Variants in CCDC141 observed in about 807,000 individuals in gnomAD.
The protein encoded by CCDC141 is coiled-coil domain containing 141.
In CCDC141, 168 loss-of-function variants were observed where a neutral mutation model predicts 181.0. That is an observed-to-expected ratio of 0.93 (90% CI 0.82 to 1.05). The LOEUF is 1.05. CCDC141 is among the 50% of genes least tolerant of loss of function. CCDC141 has a pLI of 0.00. For missense variants in CCDC141, 1,902 were observed against 1,788.5 expected, an observed-to-expected ratio of 1.06 and a Z score of -1.14; for synonymous variants, 666 against 642.3, an observed-to-expected ratio of 1.04 and a Z score of -0.56.
At chr2:178,844,095 C>A (rs1684836346) in intron 22 of CCDC141, among the ~76,000 whole-genome samples, 1 of 152,088 alleles carries the variant, frequency 6.6e-6, no homozygotes, top group African/African-American at 2.4e-5. Flanking sequence ...AGAAAAACTA[C>A]TTTTACTAAG....
At chr2:178,828,945 T>C (rs2366911), downstream of CCDC141, among the ~76,000 whole-genome samples, 72,806 of 151,996 alleles carry the variant, frequency 0.48, 17,721 homozygotes, top group East Asian at 0.7. Context: ...AGAACTGTTG[T>C]TGAATGGGAC....
intron 8 of CCDC141, among the ~76,000 whole-genome samples, chr2:178,893,462 T>TGGTAAG (rs985781654): frequency 2.0e-5 from 3 of 152,154 alleles, no homozygotes; most frequent in Non-Finnish European, 4.4e-5. Flanking sequence ...CTGAACCAGA[T>TGGTAAG]GGTAAGCACT....
intron 7 of CCDC141, among the ~76,000 whole-genome samples, chr2:178,913,788 A>G (rs556360706): frequency 3.2e-4 from 49 of 152,306 alleles, no homozygotes; most frequent in Admixed American, 2.7e-3. Flanking sequence ...TGACCACCCA[A>G]AAATCAGACC....
chr2:178,923,096 ATTTTTTTTTTTTCTTT>A (rs1052819784), intron 6 of CCDC141, among the ~76,000 whole-genome samples: 6 of 137,816 alleles, frequency 4.4e-5, no homozygotes, highest in Non-Finnish European at 7.8e-5. Context: ...CCACCAGTTT[ATTTTTTTTTTTTCTTT>A]TTTTTTTTTT....
intron 2 of CCDC141, among the ~76,000 whole-genome samples, chr2:179,025,908 T>C (rs760287350): frequency 2.0e-4 from 31 of 152,214 alleles, no homozygotes; most frequent in Non-Finnish European, 7.3e-5. Flanking sequence ...ATTTTGTCCC[T>C]GCCCTAGAGA....
At chr2:178,838,396 C>T (rs1684579663) in intron 22 of CCDC141, among the ~76,000 whole-genome samples, 1 of 152,130 alleles carries the variant, frequency 6.6e-6, no homozygotes, top group Non-Finnish European at 1.5e-5. Context: ...AACACTAACC[C>T]CCTAATCTTT....
intron 17 of CCDC141, among the ~76,000 whole-genome samples, chr2:178,858,624 C>G (rs1286020024): frequency 6.6e-6 from 1 of 152,014 alleles, no homozygotes; most frequent in Non-Finnish European, 1.5e-5. Context: ...AACAGTTAAG[C>G]TGGTAAATTT....
intron 8 of CCDC141, among the ~76,000 whole-genome samples, chr2:178,904,437 A>G (rs937219707): frequency 1.3e-5 from 2 of 152,218 alleles, no homozygotes; most frequent in Non-Finnish European, 2.9e-5. Context: ...AAACTCGTCT[A>G]AAATAGAACA....
chr2:178,952,590 A>G (rs7561579), intron 5 of CCDC141, among the ~76,000 whole-genome samples: 3,303 of 152,312 alleles, frequency 0.022, 143 homozygotes, highest in African/African-American at 0.075. Context: ...ATTCGCATAC[A>G]TTCCAGTTAG....
chr2:178,874,638 T>C (rs1686275263), intron 12 of CCDC141: 1 of 152,106 alleles, frequency 6.6e-6, no homozygotes, highest in Admixed American at 6.6e-5. Context: ...AGGAATCCAT[T>C]TGAAGGAAGC....
intron 9 of CCDC141, among the ~76,000 whole-genome samples, chr2:178,887,799 C>A (rs1686957895): frequency 6.6e-6 from 1 of 152,220 alleles, no homozygotes; most frequent in South Asian, 2.1e-4. Flanking sequence ...TCCACCGTAT[C>A]AAACGAAAAC....
chr2:179,017,845 T>C (rs2042586749), intron 2 of CCDC141, among the ~76,000 whole-genome samples: 1 of 152,116 alleles, frequency 6.6e-6, no homozygotes, highest in African/African-American at 2.4e-5. Context: ...CGATGAGGTA[T>C]GGCACTTATA....
At chr2:178,988,327 G>C (rs1382883286) in intron 2 of CCDC141, among the ~76,000 whole-genome samples, 3 of 115,436 alleles carry the variant, frequency 2.6e-5, no homozygotes, top group Non-Finnish European at 5.1e-5. Flanking sequence ...TGTGGGGTGG[G>C]GGGAGGGGGG....
At chr2:178,881,663 T>A (rs1339595738) in intron 11 of CCDC141, among the ~76,000 whole-genome samples, 1 of 150,790 alleles carries the variant, frequency 6.6e-6, no homozygotes, top group Non-Finnish European at 1.5e-5. Context: ...GTGAGGAATA[T>A]CTTCTTCCCA....
At chr2:178,964,338 C>T (rs781305244) in intron 4 of CCDC141, among the ~76,000 whole-genome samples, 1 of 152,176 alleles carries the variant, frequency 6.6e-6, no homozygotes. Context: ...TTTCCTTCCT[C>T]TAACTAACTC....
chr2:178,898,294 T>A (rs1687509495), intron 8 of CCDC141, among the ~76,000 whole-genome samples: 1 of 152,190 alleles, frequency 6.6e-6, no homozygotes, highest in African/African-American at 2.4e-5. Flanking sequence ...CAGTTTTCCA[T>A]CACGTTATGA....
chr2:178,849,687 A>AG (rs1414747901), intron 21 of CCDC141, among the ~76,000 whole-genome samples: 1 of 152,132 alleles, frequency 6.6e-6, no homozygotes, highest in Non-Finnish European at 1.5e-5. Context: ...CAATTTGGAG[A>AG]GGAAAAAAAA....
chr2:179,029,132 T>C (rs72963262), intron 2 of CCDC141, among the ~76,000 whole-genome samples: 2,759 of 152,314 alleles, frequency 0.018, 38 homozygotes, highest in South Asian at 0.033. Context: ...TCCTGTACTC[T>C]AATCTGGAAT....
chr2:178,821,807 G>A, the CCDC141 span, among the ~76,000 whole-genome samples: 3 of 152,126 alleles, frequency 2.0e-5, no homozygotes, highest in South Asian at 6.2e-4. Flanking sequence ...TTACACTGTT[G>A]GTGGGACTGT....
Sources: allele counts gnomAD v4.1 joint callset (sites outside exome capture counted in the v4.1 genomes callset), GRCh38; gene constraint gnomAD v4.1.1; transcripts MANE v1.5; gene names NCBI Gene and HGNC (gene_info 2026-07-23, HGNC 2026-07-21).